Variants in ADRA1B observed in about 807,000 individuals in gnomAD.
ADRA1B encodes alpha-1B adrenergic receptor.
ADRA1B carries 17 observed loss-of-function variants against 17.9 expected under a neutral mutation model. The ratio of observed to expected loss-of-function variants is 0.95; its 90% confidence interval spans 0.65 to 1.42. The LOEUF (loss-of-function observed/expected upper bound fraction) is 1.42, where lower values mean the gene tolerates loss of function less well. Among genes scored for constraint, ADRA1B ranks in the 40% most tolerant of loss-of-function variants. The pLI, the probability that ADRA1B is intolerant of heterozygous loss-of-function variation, is 0.00. For synonymous variants in ADRA1B, 366 were observed against 327.6 expected (o/e 1.12, Z -1.27); for missense variants, 681 against 722.1 (o/e 0.94, Z 0.65).
At chr5:159,959,286 G>C (rs1252939932) in intron 1 of ADRA1B, among the ~76,000 whole-genome samples, 1 of 152,204 alleles carries the variant, frequency 6.6e-6, no homozygotes, top group East Asian at 1.9e-4. Flanking sequence ...ATTTAGGTAA[G>C]TAAAGAAGGG....
chr5:159,927,976 G>A (rs1035005139), intron 1 of ADRA1B, among the ~76,000 whole-genome samples: 1 of 152,172 alleles, frequency 6.6e-6, no homozygotes, highest in Non-Finnish European at 1.5e-5. Context: ...TAAATAAAGT[G>A]TTCATTTATT....
In ADRA1B at chr5:159,972,174, C is replaced by A. The variant is rs1437626791; in HGVS notation, c.1245C>A (p.Ser415Arg). Residue 415 changes from serine (S) to arginine (R), a missense_variant, in exon 2 of 2, where the codon AGC becomes AGA. Physicochemically the swap from Ser to Arg is moderately radical, Grantham distance 110. Around this residue, in one of 3 missense-constraint regions of ADRA1B, gnomAD observed 251 missense variants for 224.9 expected, o/e 1.12. Coordinates refer to ENST00000306675, the MANE Select transcript of ADRA1B (RefSeq NM_000679.4). ...DSLDDSGSCL[S>R]GSQRTLPSAS... ...TGGACGACAGCGGCAGCTGCCTGAGCGGCAGCCAGCGGACCCTGCCCTCGG... is the reference window on the plus strand; with the variant it reads ...TGGACGACAGCGGCAGCTGCCTGAGAGGCAGCCAGCGGACCCTGCCCTCGG... 2 of 1,360,168 alleles carry A rather than the reference C, an allele frequency of 1.5e-6. No individual in the cohort carries two copies. The highest frequency in any genetic ancestry group is 1.9e-6 in the Non-Finnish European group (2 of 1,049,524). The allele number at this position is 1,360,168 out of a possible 1,614,324, so 84.3% of individuals were successfully genotyped here. A position where few individuals can be genotyped will look rare whatever the true frequency, so the allele number is the denominator to read the frequency against.
intron 1 of ADRA1B, among the ~76,000 whole-genome samples, chr5:159,940,312 C>T (rs1355858642): frequency 6.6e-6 from 1 of 152,164 alleles, no homozygotes; most frequent in Non-Finnish European, 1.5e-5. Flanking sequence ...GATATCTAAT[C>T]AACCTCAATA....
At chr5:159,877,949 C>G (rs777691646) in intron 1 of ADRA1B, among the ~76,000 whole-genome samples, 1 of 152,160 alleles carries the variant, frequency 6.6e-6, no homozygotes, top group African/African-American at 2.4e-5. Context: ...CCTTCTCTCC[C>G]GAGCCTTACT....
chr5:159,984,948 T>C, the ADRA1B span, among the ~76,000 whole-genome samples: 2 of 151,512 alleles, frequency 1.3e-5, no homozygotes, highest in Non-Finnish European at 2.9e-5. Flanking sequence ...ACTATGCCTC[T>C]GCTGGAACCC....
chr5:159,952,589 A>T lies in ADRA1B; in HGVS notation c.950-19290A>T, dbSNP rs1182486525. Among the ~76,000 whole-genome samples the T allele has an allele frequency of 3.3e-5, 5 of 152,054 alleles. No individual in the cohort carries two copies. The South Asian group carries it at 1.0e-3, about 32-fold the overall frequency. On this transcript the variant is annotated intron_variant, in intron 1 of 1. Coordinates refer to ENST00000306675, the MANE Select transcript of ADRA1B (RefSeq NM_000679.4). ...AGATAGCTCCATGACTGAGTAAATT[A>T]CTTCTCTTATAAGTGTCGATTTCAA...
At chr5:159,947,742 GA>G (rs1755316374) in intron 1 of ADRA1B, 12 of 985,370 alleles carry the variant, frequency 1.2e-5, no homozygotes, top group Non-Finnish European at 1.4e-5. Flanking sequence ...GTAAATCCAG[GA>G]AAGAAATGAA....
At chr5:159,866,372 A>G (rs1350438089) in intron 1 of ADRA1B, among the ~76,000 whole-genome samples, 1 of 151,278 alleles carries the variant, frequency 6.6e-6, no homozygotes, top group African/African-American at 2.4e-5. Context: ...GGATCACCTG[A>G]TGTCAGGAGT....
chr5:159,928,250 G>A (rs1754713915), intron 1 of ADRA1B, among the ~76,000 whole-genome samples: 1 of 151,950 alleles, frequency 6.6e-6, no homozygotes, highest in African/African-American at 2.4e-5. Context: ...GCAGGGGGAG[G>A]GCCATCTTCA....
At chr5:159,887,218 G>A (rs1305067734) in intron 1 of ADRA1B, among the ~76,000 whole-genome samples, 4 of 152,158 alleles carry the variant, frequency 2.6e-5, no homozygotes, top group Non-Finnish European at 5.9e-5. Context: ...TGGCTCTTCT[G>A]TGGTTGGCTA....
chr5:159,972,371 A>T lies in ADRA1B; in HGVS notation c.1442A>T (p.Glu481Val). The change falls in exon 2 of 2, where the codon GAG (glutamate) becomes GTG (valine). Residue 481 changes from glutamate to valine, a missense_variant. Transcript: ENST00000306675. ...GPLFTFKLLT[E>V]PESPGTDGGA... ...CTCTTCACCTTCAAGCTCCTGACCG[A>T]GCCCGAGAGCCCCGGGACCGACGGC... 1.3e-6 allele frequency: 2 copies of T among 1,511,816 alleles called. No individual in the cohort carries two copies. The highest frequency in any genetic ancestry group is 1.8e-6 in the Non-Finnish European group (2 of 1,136,676). The allele number at this position is 1,511,816 out of a possible 1,614,324, so 93.7% of individuals were successfully genotyped here. A position where few individuals can be genotyped will look rare whatever the true frequency, so the allele number is the denominator to read the frequency against.
chr5:159,952,334 A>G (rs1196948838), intron 1 of ADRA1B, among the ~76,000 whole-genome samples: 1 of 152,230 alleles, frequency 6.6e-6, no homozygotes, highest in Non-Finnish European at 1.5e-5. Context: ...GAATGAGTGT[A>G]ATAATATACT....
chr5:159,972,502 G>A lies in ADRA1B; in HGVS notation c.*10G>A, dbSNP rs1456279222. On this transcript the variant is annotated 3_prime_UTR_variant, in exon 2 of 2. Transcript: ENST00000306675. Reference sequence around the variant, plus strand: ...GCCCGGGCAGTTTTAGGGCCCCCGTGCGCAGCTTTCTTTCCCTGGGGAGGA... The same window carrying A: ...GCCCGGGCAGTTTTAGGGCCCCCGTACGCAGCTTTCTTTCCCTGGGGAGGA... The A allele has an allele frequency of 1.8e-5, 23 of 1,253,152 alleles. No individual in the cohort carries two copies. The highest frequency in any genetic ancestry group is 3.2e-4 in the Middle Eastern group (1 of 3,130). 77.6% of individuals were successfully genotyped at this position (1,253,152 alleles called of 1,614,324 possible).
chr5:159,964,102 G>A lies in ADRA1B; in HGVS notation c.950-7777G>A, dbSNP rs1200659138. 2.0e-5 allele frequency among the ~76,000 whole-genome samples: 3 copies of A among 152,356 alleles called. No individual in the cohort carries two copies. The East Asian group carries it at 5.8e-4, about 29-fold the overall frequency. ...TTTGGGTGGTGTGCAAGATTGAAAT[G>A]ACATCTAGAGATAGCACAAGAAACC... On this transcript the variant is annotated intron_variant, in intron 1 of 1. Coordinates refer to ENST00000306675, the MANE Select transcript of ADRA1B (RefSeq NM_000679.4).
the ADRA1B span, among the ~76,000 whole-genome samples, chr5:159,984,421 A>T: frequency 2.6e-5 from 4 of 152,068 alleles, no homozygotes; most frequent in Non-Finnish European, 5.9e-5. Context: ...CTGACCCTTA[A>T]ACCCCACATC....
At chr5:159,923,875 C>T (rs1754563602) in intron 1 of ADRA1B, among the ~76,000 whole-genome samples, 2 of 152,252 alleles carry the variant, frequency 1.3e-5, no homozygotes, top group Non-Finnish European at 2.9e-5. Context: ...CAAGTCCTCC[C>T]CATGCCTAGA....
At chr5:159,912,617 T>C (rs1264551880), upstream of ADRA1B, among the ~76,000 whole-genome samples, 1 of 152,258 alleles carries the variant, frequency 6.6e-6, no homozygotes, top group Non-Finnish European at 1.5e-5. Context: ...AATCTCAGTC[T>C]GGTGCAGAGA....
At chr5:159,949,487 C>A (rs1435897150) in intron 1 of ADRA1B, among the ~76,000 whole-genome samples, 3 of 152,180 alleles carry the variant, frequency 2.0e-5, no homozygotes, top group Admixed American at 2.0e-4. Context: ...CTCACAAACA[C>A]CATTAAGAAC....
At chr5:159,935,097 G>A (rs964844155) in intron 1 of ADRA1B, among the ~76,000 whole-genome samples, 1 of 152,164 alleles carries the variant, frequency 6.6e-6, no homozygotes, top group Non-Finnish European at 1.5e-5. Context: ...TTATGATCAT[G>A]ACAAATTCGA....
Sources: gnomAD v4.1 joint callset for allele counts (sites outside exome capture counted in the v4.1 genomes callset) on GRCh38, gnomAD v4.1.1 for gene constraint, gnomAD v4.1.1 regional missense constraint, MANE v1.5 for transcripts, NCBI Gene and HGNC (gene_info 2026-07-23, HGNC 2026-07-21) for gene names.